SLC44A5: variants seen among roughly 807,000 people sequenced by gnomAD.
The protein encoded by SLC44A5 is choline transporter-like protein 5.
SLC44A5 carries 57 observed loss-of-function variants against 101.8 expected under a neutral mutation model. The observed-to-expected ratio is 0.56, with a 90% CI of 0.45 to 0.70. The LOEUF (loss-of-function observed/expected upper bound fraction) is 0.70, where lower values mean the gene tolerates loss of function less well. SLC44A5 is among the 30% of genes least tolerant of loss of function. The probability of loss-of-function intolerance (pLI) is 0.00; values close to 1 mark genes in which losing one functional copy is unlikely to be tolerated. For missense variants in SLC44A5, 737 were observed against 853.1 expected (o/e 0.86, Z 1.70); for synonymous variants, 281 against 290.9 (o/e 0.97, Z 0.35).
the SLC44A5 span, chr1:75,677,909 CG>C: frequency 3.9e-6 from 1 of 257,442 alleles, no homozygotes; most frequent in Non-Finnish European, 7.7e-6. Context: ...GTGCACGCAC[CG>C]TGCACGAGCC....
In SLC44A5 at chr1:75,525,061, G is replaced by T. The variant is rs550237321; in HGVS notation, c.13+16374C>A. ...GTCAGCTACTAAATATAGAAAAAAT[G>T]ATATAAATTAGAAAAATCACACTTT... On this transcript the variant is annotated intron_variant, in intron 2 of 23. Coordinates refer to ENST00000370859, the MANE Select transcript of SLC44A5 (RefSeq NM_001130058.2). Among the ~76,000 whole-genome samples, 116 of 152,128 alleles carry T rather than the reference G, an allele frequency of 7.6e-4. 1 individual carries two copies. The highest frequency in any genetic ancestry group is 2.7e-3 in the African/African-American group (112 of 41,522).
chr1:75,721,675 G>A, the SLC44A5 span, among the ~76,000 whole-genome samples: 1 of 152,112 alleles, frequency 6.6e-6, no homozygotes, highest in Non-Finnish European at 1.5e-5. Flanking sequence ...CAACTGATAG[G>A]AAATACAAAA....
chr1:75,662,234 T>C, the SLC44A5 span, among the ~76,000 whole-genome samples: 26 of 152,072 alleles, frequency 1.7e-4, no homozygotes, highest in Non-Finnish European at 3.1e-4. Context: ...TTATGTTAAG[T>C]GAAATAAGAT....
chr1:75,438,083 T>C (rs1183447366), intron 2 of SLC44A5, among the ~76,000 whole-genome samples: 3 of 152,166 alleles, frequency 2.0e-5, no homozygotes, highest in East Asian at 3.9e-4. Context: ...AAAAGAAACA[T>C]CTCAGAAAAT....
intron 2 of SLC44A5, among the ~76,000 whole-genome samples, chr1:75,420,321 G>A (rs927801510): frequency 1.3e-5 from 2 of 152,006 alleles, no homozygotes; most frequent in African/African-American, 4.8e-5. Flanking sequence ...ACAAAGTATA[G>A]CTATTAAATT....
At position 75,343,044 on chromosome 1, in the gene SLC44A5, G is replaced by A. The variant is rs575123288; in HGVS notation, c.53-3414C>T. Among the ~76,000 whole-genome samples, 11 of 152,116 alleles carry A rather than the reference G, an allele frequency of 7.2e-5. No individual in the cohort carries two copies. In the South Asian group the frequency reaches 2.3e-3, roughly 32 times the overall value. On this transcript the variant is annotated intron_variant, in intron 3 of 23. Coordinates refer to ENST00000370859, the MANE Select transcript of SLC44A5 (RefSeq NM_001130058.2). ...ATAGGGGCCCTCACGTACTCTAATT[G>A]CGTCTCTGGAATAAATAGACTGAAG...
chr1:75,617,062 C>A, the SLC44A5 span, among the ~76,000 whole-genome samples: 2 of 151,870 alleles, frequency 1.3e-5, no homozygotes, highest in South Asian at 2.1e-4. Flanking sequence ...CAAGGGCAGG[C>A]GAAAGTTTAA....
At chr1:75,549,218 G>C (rs538481018) in intron 1 of SLC44A5, among the ~76,000 whole-genome samples, 9 of 152,248 alleles carry the variant, frequency 5.9e-5, no homozygotes, top group African/African-American at 1.9e-4. Flanking sequence ...GATTGGCATT[G>C]TTCTCTGTTC....
chr1:75,490,242 C>T (rs1570435575), intron 2 of SLC44A5, among the ~76,000 whole-genome samples: 1 of 152,050 alleles, frequency 6.6e-6, no homozygotes, highest in Admixed American at 6.6e-5. Flanking sequence ...TATGAAGAAT[C>T]ATTATCATTT....
At chr1:75,275,153 AC>A in intron 5 of SLC44A5, 111 bp from the exon 6 acceptor site, 1 of 695,166 alleles carries the variant, frequency 1.4e-6, no homozygotes, top group Non-Finnish European at 2.5e-6. Context: ...CCCCTCAGTC[AC>A]AGAAGATTAT....
At chr1:75,613,932 T>G (rs1426924428), upstream of SLC44A5, among the ~76,000 whole-genome samples, 3 of 152,254 alleles carry the variant, frequency 2.0e-5, no homozygotes, top group Non-Finnish European at 4.4e-5. Flanking sequence ...TTTTTGTGCT[T>G]CTGCCAAGAT....
intron 2 of SLC44A5, among the ~76,000 whole-genome samples, chr1:75,498,065 C>A (rs1668768275): frequency 6.6e-6 from 1 of 152,130 alleles, no homozygotes; most frequent in African/African-American, 2.4e-5. Context: ...AAGAATACAA[C>A]TTGAAAATTG....
intron 3 of SLC44A5, among the ~76,000 whole-genome samples, chr1:75,346,102 C>T (rs773970091): frequency 6.6e-6 from 1 of 152,094 alleles, no homozygotes; most frequent in Non-Finnish European, 1.5e-5. Flanking sequence ...CAGGCAGAAA[C>T]ATGACCCCAC....
chr1:75,615,614 A>G (rs931684994), upstream of SLC44A5, among the ~76,000 whole-genome samples: 1 of 152,048 alleles, frequency 6.6e-6, no homozygotes, highest in Non-Finnish European at 1.5e-5. Flanking sequence ...GTGGGGTGAG[A>G]GAGGAGTCTC....
At chr1:75,569,377 G>A (rs1407629823) in intron 1 of SLC44A5, among the ~76,000 whole-genome samples, 1 of 151,558 alleles carries the variant, frequency 6.6e-6, no homozygotes, top group Non-Finnish European at 1.5e-5. Context: ...AGTAGCTTGG[G>A]ACTACAGGTG....
intron 3 of SLC44A5, among the ~76,000 whole-genome samples, chr1:75,340,510 A>C (rs191584954): frequency 2.8e-4 from 42 of 152,348 alleles, no homozygotes; most frequent in Non-Finnish European, 4.9e-4. Flanking sequence ...TTCAGTGCCA[A>C]GTTCTCTAGC....
At chr1:75,612,471 A>G (rs557608404), upstream of SLC44A5, among the ~76,000 whole-genome samples, 15 of 152,136 alleles carry the variant, frequency 9.9e-5, no homozygotes, top group South Asian at 2.5e-3. Flanking sequence ...CATGCAAATT[A>G]CTCTTCATCA....
chr1:75,216,792 G>T (rs2100483085), intron 18 of SLC44A5, among the ~76,000 whole-genome samples: 1 of 151,822 alleles, frequency 6.6e-6, no homozygotes. Context: ...GTCCATTTTT[G>T]AACTGGGTTG....
intron 3 of SLC44A5, chr1:75,354,030 G>C: frequency 3.1e-6 from 1 of 325,012 alleles, no homozygotes; most frequent in Non-Finnish European, 5.9e-6. Context: ...ACTCACTACT[G>C]ATTTTTTAAA....
Sources: allele counts gnomAD v4.1 joint callset (sites outside exome capture counted in the v4.1 genomes callset), GRCh38; gene constraint gnomAD v4.1.1; transcripts MANE v1.5; gene names NCBI Gene and HGNC (gene_info 2026-07-23, HGNC 2026-07-21).